The following DYNC2LI1 variants were observed in gnomAD, a reference collection of about 807,000 sequenced individuals.
DYNC2LI1 encodes the protein cytoplasmic dynein 2 light intermediate chain 1.
In DYNC2LI1, 45 loss-of-function variants were observed where a neutral mutation model predicts 51.9. The observed-to-expected ratio is 0.87, with a 90% CI of 0.68 to 1.11. The LOEUF (loss-of-function observed/expected upper bound fraction) is 1.11. Ranked by LOEUF, DYNC2LI1 falls within the 50% of genes most tolerant of loss-of-function variation. The probability of loss-of-function intolerance (pLI) is 0.00; values close to 1 mark genes in which losing one functional copy is unlikely to be tolerated. For synonymous variants in DYNC2LI1, 130 were observed against 137.8 expected (o/e 0.94, Z 0.40); for missense variants, 490 against 417.4 (o/e 1.17, Z -1.51).
At chr2:43,818,227 G>A in the DYNC2LI1 span, among the ~76,000 whole-genome samples, 2 of 152,036 alleles carry the variant, frequency 1.3e-5, no homozygotes, top group African/African-American at 2.4e-5. Context: ...CGAGGTGGGC[G>A]AATCACTTGA....
chr2:43,823,021 T>C, the DYNC2LI1 span: 1 of 1,563,176 alleles, frequency 6.4e-7, no homozygotes, highest in Non-Finnish European at 8.7e-7. Context: ...GTGAGGTCTG[T>C]CAGGGCTGGA....
intron 4 of DYNC2LI1, among the ~76,000 whole-genome samples, chr2:43,788,037 T>G (rs1037165373): frequency 6.6e-6 from 1 of 152,144 alleles, no homozygotes; most frequent in Non-Finnish European, 1.5e-5. Flanking sequence ...ACATAATATA[T>G]AGAGATACAG....
intron 8 of DYNC2LI1, among the ~76,000 whole-genome samples, chr2:43,797,470 G>A (rs77666876): frequency 0.046 from 6,926 of 150,474 alleles, 314 homozygotes; most frequent in African/African-American, 0.11. Flanking sequence ...CCCATAGCAG[G>A]ACTAAACTTT....
chr2:43,815,711 C>G, the DYNC2LI1 span, among the ~76,000 whole-genome samples: 1 of 152,012 alleles, frequency 6.6e-6, no homozygotes, highest in Non-Finnish European at 1.5e-5. Context: ...ACCAGAAACA[C>G]TGGAAGAGAG....
Position 43,774,076 on chromosome 2 carries a change from G to T in DYNC2LI1, c.-63G>T, listed in dbSNP as rs1672895809. On this transcript the variant is annotated 5_prime_UTR_variant, in exon 1 of 13. Transcript: ENST00000260605. ...TCCCAGACTCCTTGCGGAGCTCGCC[G>T]CCTGATTCTAGGCTGGTCACTACTC... The T allele has an allele frequency of 2.5e-6, 4 of 1,606,584 alleles. No individual in the cohort carries two copies. Among genetic ancestry groups the T allele is most frequent in the African/African-American group, 2.7e-5 (2 of 74,716 alleles).
chr2:43,786,472 A>G (rs116608291), intron 3 of DYNC2LI1, among the ~76,000 whole-genome samples: 1,896 of 152,108 alleles, frequency 0.012, 46 homozygotes, highest in African/African-American at 0.042. Flanking sequence ...GTGAGCTACC[A>G]TGCCTGGCCA....
intron 5 of DYNC2LI1, among the ~76,000 whole-genome samples, chr2:43,791,438 A>G (rs552523151): frequency 6.6e-6 from 1 of 152,276 alleles, no homozygotes; most frequent in Admixed American, 6.5e-5. Context: ...AAGCCAGATC[A>G]TCCCAAGGGT....
chr2:43,799,693 A>C (rs1666010095), intron 8 of DYNC2LI1, among the ~76,000 whole-genome samples: 1 of 152,212 alleles, frequency 6.6e-6, no homozygotes, highest in South Asian at 2.1e-4. Flanking sequence ...CAGCAGATGG[A>C]GGAGTTGGGT....
At chr2:43,828,057 T>C in the DYNC2LI1 span, 1 of 1,614,072 alleles carries the variant, frequency 6.2e-7, no homozygotes, top group Non-Finnish European at 8.5e-7. Context: ...CAAGCTGTAG[T>C]TGCCAATCAG....
intron 3 of DYNC2LI1, among the ~76,000 whole-genome samples, chr2:43,784,444 C>CT (rs1020543253): frequency 9.6e-4 from 140 of 145,896 alleles, no homozygotes; most frequent in East Asian, 4.0e-3. Context: ...TTCTTTCTTT[C>CT]TTTTTTTTTT....
chr2:43,801,607 A>G (rs775894552), intron 9 of DYNC2LI1, 32 bp from the exon 10 acceptor site: 1 of 1,558,508 alleles, frequency 6.4e-7, no homozygotes, highest in Non-Finnish European at 8.8e-7. Context: ...TAATTGCTAA[A>G]CTAATTTAGA....
At chr2:43,782,462 T>C (rs1444942902) in intron 2 of DYNC2LI1, among the ~76,000 whole-genome samples, 2 of 151,878 alleles carry the variant, frequency 1.3e-5, no homozygotes, top group Non-Finnish European at 2.9e-5. Context: ...TCCAAATTAT[T>C]TTCTTTAGAG....
chr2:43,779,719 T>G (rs189305217), intron 2 of DYNC2LI1, among the ~76,000 whole-genome samples: 1 of 152,182 alleles, frequency 6.6e-6, no homozygotes, highest in Non-Finnish European at 1.5e-5. Flanking sequence ...GTGTGGAGTA[T>G]TCTAAGATGA....
At position 43,795,072 on chromosome 2, in the gene DYNC2LI1, C is replaced by T. The variant is rs1262588455; in HGVS notation, c.507+429C>T. The stretch of plus-strand genomic sequence containing the variant: ...TATTTTACATTCATTTCGTTTCTGT[C>T]ACTTATTCAGTATCTTTTTATCATC... On this transcript the variant is annotated intron_variant, in intron 6 of 12. Transcript: ENST00000260605. 2.9e-6 allele frequency: 3 copies of T among 1,018,346 alleles called. No homozygotes were observed. The East Asian group carries it at 2.7e-4, about 91-fold the overall frequency. 63.1% of individuals were successfully genotyped at this position (1,018,346 alleles called of 1,614,324 possible).
At chr2:43,792,650 A>G (rs1380011474) in intron 5 of DYNC2LI1, 2 of 1,533,122 alleles carry the variant, frequency 1.3e-6, no homozygotes, top group Admixed American at 2.1e-5. Context: ...CTATTAAACA[A>G]TAACTCCTTG....
chr2:43,792,513 T>C lies in DYNC2LI1; in HGVS notation c.321-1944T>C, dbSNP rs970441949. Among the ~76,000 whole-genome samples, 13 of 152,364 alleles carry C rather than the reference T, an allele frequency of 8.5e-5. No homozygotes were observed. The East Asian group carries it at 1.9e-3, about 23-fold the overall frequency. On this transcript the variant is annotated intron_variant, in intron 5 of 12. Transcript: ENST00000260605. The stretch of plus-strand genomic sequence containing the variant: ...TAGATTTACAAATGTTTAGTTTTTA[T>C]TGTCGTAAAATATACATAGCGTAAA...
downstream of DYNC2LI1, chr2:43,813,351 C>A: frequency 7.0e-7 from 1 of 1,426,858 alleles, no homozygotes; most frequent in South Asian, 1.2e-5. Flanking sequence ...TGGTTTATCT[C>A]AGGTAATTTA....
chr2:43,824,507 A>G, the DYNC2LI1 span: 1 of 1,600,028 alleles, frequency 6.2e-7, no homozygotes, highest in Non-Finnish European at 8.5e-7. Context: ...CAATTGGTAC[A>G]GGAGTACTGG....
chr2:43,823,144 T>C, the DYNC2LI1 span, among the ~76,000 whole-genome samples: 1 of 152,150 alleles, frequency 6.6e-6, no homozygotes, highest in Non-Finnish European at 1.5e-5. Context: ...TGCAATACAA[T>C]TGCAAAAGAT....
Sources: allele counts gnomAD v4.1 joint callset (sites outside exome capture counted in the v4.1 genomes callset), GRCh38; gene constraint gnomAD v4.1.1; transcripts MANE v1.5; gene names NCBI Gene and HGNC (gene_info 2026-07-23, HGNC 2026-07-21).